Variants in NDRG4 observed in about 807,000 individuals in gnomAD.
The protein encoded by NDRG4 is protein NDRG4.
Under a neutral mutation model 55.8 loss-of-function variants are expected in NDRG4, and 38 were observed. That is an observed-to-expected ratio of 0.68 (90% CI 0.53 to 0.89). The LOEUF (loss-of-function observed/expected upper bound fraction) is 0.89. NDRG4 is among the 40% of genes least tolerant of loss of function. The probability of loss-of-function intolerance (pLI) is 0.00; values close to 1 mark genes in which losing one functional copy is unlikely to be tolerated. For synonymous variants in NDRG4, 190 were observed against 182.7 expected (o/e 1.04, Z -0.32); for missense variants, 455 against 468.6 (o/e 0.97, Z 0.27).
chr16:58,464,351 T>C lies in NDRG4; in HGVS notation c.-24+554T>C. On this transcript the variant is annotated intron_variant, in intron 1 of 15. Coordinates refer to the NDRG4 transcript ENST00000258187. The surrounding 1 kb of genome is among the most constrained non-coding windows in gnomAD (Gnocchi z 4.8). ...CTCTCCTGCCGCTCCGCTCCGGGTC[T>C]CCCGCGCTCCTCTCCCCGGCTCGGC... The C allele has an allele frequency of 7.9e-7, 1 of 1,260,994 alleles. No homozygotes were observed. The highest frequency in any genetic ancestry group is 1.0e-6 in the Non-Finnish European group (1 of 978,200). 78.1% of individuals were successfully genotyped at this position (1,260,994 alleles called of 1,614,324 possible).
At chr16:58,485,242 G>T (rs558459091) in intron 1 of NDRG4, among the ~76,000 whole-genome samples, 2 of 152,092 alleles carry the variant, frequency 1.3e-5, no homozygotes, top group Admixed American at 6.6e-5. Context: ...CTGCTCTGGC[G>T]TCTTTCTTGT....
chr16:58,509,570 T>A (rs1388633834), intron 13 of NDRG4, among the ~76,000 whole-genome samples: 4 of 152,142 alleles, frequency 2.6e-5, no homozygotes, highest in Non-Finnish European at 5.9e-5. Flanking sequence ...CAACTCCCCT[T>A]TGCCCTTAGG....
At chr16:58,492,674 A>G (rs993380553) in intron 2 of NDRG4, among the ~76,000 whole-genome samples, 4 of 152,084 alleles carry the variant, frequency 2.6e-5, no homozygotes, top group African/African-American at 9.7e-5. Flanking sequence ...TCCAAAGTGC[A>G]GGAATTGCAG....
chr16:58,466,119 G>A (rs1427809099), intron 1 of NDRG4, among the ~76,000 whole-genome samples: 1 of 152,134 alleles, frequency 6.6e-6, no homozygotes, highest in Non-Finnish European at 1.5e-5. Flanking sequence ...CAGGATCAAG[G>A]GATTCTCGTG....
upstream of NDRG4, among the ~76,000 whole-genome samples, chr16:58,495,185 G>T (rs1841699406): frequency 6.6e-6 from 1 of 152,210 alleles, no homozygotes; most frequent in Admixed American, 6.5e-5. Flanking sequence ...AAGAGACGGG[G>T]CCTCTAGGGG....
intron 1 of NDRG4, chr16:58,502,089 T>G: frequency 2.3e-6 from 1 of 435,528 alleles, no homozygotes; most frequent in South Asian, 1.6e-5. Flanking sequence ...TGCACCGCCC[T>G]GGCCCCTGAG....
At chr16:58,497,853 C>G (rs989694631), upstream of NDRG4, among the ~76,000 whole-genome samples, 1 of 152,130 alleles carries the variant, frequency 6.6e-6, no homozygotes, top group African/African-American at 2.4e-5. Context: ...GGGGTGGGGT[C>G]AGATCTAGAG....
chr16:58,474,012 CT>C (rs2033240500), intron 1 of NDRG4, among the ~76,000 whole-genome samples: 1 of 141,592 alleles, frequency 7.1e-6, no homozygotes, highest in Non-Finnish European at 1.5e-5. Flanking sequence ...GGTTTTTTCA[CT>C]TTTCTTTTCT....
chr16:58,506,931 CAG>C lies in NDRG4; in HGVS notation c.539_540del (p.Glu180ValfsTer34), dbSNP rs937281280. The C allele has an allele frequency of 6.2e-7, 1 of 1,614,108 alleles. No individual in the cohort carries two copies. Reference sequence around the variant, plus strand: ...GCCTAGGAGGAGCTGGTGAACAACACAGAGTTGGTGCAGAGCTACCGGCAGCA... The same window carrying C: ...GCCTAGGAGGAGCTGGTGAACAACACAGTTGGTGCAGAGCTACCGGCAGCA... On this transcript the variant is annotated frameshift_variant, in exon 8 of 15. Coordinates refer to ENST00000570248, the MANE Select transcript of NDRG4 (RefSeq NM_001242835.2). LOFTEE classifies it high-confidence loss of function.
intron 1 of NDRG4, among the ~76,000 whole-genome samples, chr16:58,483,729 G>A (rs948590213): frequency 3.3e-5 from 5 of 152,226 alleles, no homozygotes; most frequent in Non-Finnish European, 5.9e-5. Flanking sequence ...TCACCTATGT[G>A]ATTTTTGTTC....
chr16:58,497,841 CA>C (rs1219494506), upstream of NDRG4, among the ~76,000 whole-genome samples: 5 of 152,142 alleles, frequency 3.3e-5, no homozygotes, highest in Non-Finnish European at 7.3e-5. Context: ...AGGACCTGGG[CA>C]GGGGTGGGGT....
chr16:58,501,847 C>T (rs566631540), intron 1 of NDRG4: 9 of 393,002 alleles, frequency 2.3e-5, no homozygotes, highest in South Asian at 1.4e-4. Flanking sequence ...ACCCCTCACA[C>T]CCCTCAGGCG....
chr16:58,505,356 T>TA (rs1182031735), intron 5 of NDRG4, among the ~76,000 whole-genome samples: 1 of 88,980 alleles, frequency 1.1e-5, no homozygotes, highest in East Asian at 2.9e-4. Context: ...CTCAAAAAAA[T>TA]AAAAAAATAA....
chr16:58,471,967 C>T (rs16960173), intron 1 of NDRG4, among the ~76,000 whole-genome samples: 40,832 of 151,954 alleles, frequency 0.27, 5,537 homozygotes, highest in Admixed American at 0.29. Flanking sequence ...AGGATCATAC[C>T]CTGTGCACCC....
In NDRG4 at chr16:58,486,848, CCT is replaced by C. The variant is rs1242141094; in HGVS notation, c.-23-907_-23-906del. 2.0e-5 allele frequency among the ~76,000 whole-genome samples: 3 copies of C among 152,260 alleles called. No individual in the cohort carries two copies. In the East Asian group the frequency reaches 5.8e-4, roughly 29 times the overall value. Reference sequence around the variant, plus strand: ...CCCACCCTCTGGCAGCTGAGCAGCCCCTGTGTATCACCCCTCCCTGTTGGTGG... The same window carrying C: ...CCCACCCTCTGGCAGCTGAGCAGCCCGTGTATCACCCCTCCCTGTTGGTGG... On this transcript the variant is annotated intron_variant, in intron 1 of 15. Transcript: ENST00000258187.
intron 1 of NDRG4, among the ~76,000 whole-genome samples, chr16:58,468,734 G>T (rs2032206529): frequency 6.6e-6 from 1 of 152,080 alleles, no homozygotes. Flanking sequence ...TATATTGTGG[G>T]GAGCCAAGAT....
Position 58,464,179 on chromosome 16 carries a change from C to T in NDRG4, c.-24+382C>T, listed in dbSNP as rs1478639261. ...CCTTCCTCCGCCTCCTGGAGTTCAC[C>T]GGGACCAGGTGGCGGCGGGTGCCTT... On this transcript the variant is annotated intron_variant, in intron 1 of 15. Coordinates refer to the NDRG4 transcript ENST00000258187. This position sits in a 1 kb window ranked among gnomAD's most constrained non-coding sequence, Gnocchi z 4.8. 1 of 379,094 alleles carries T rather than the reference C, an allele frequency of 2.6e-6. No homozygotes were observed. Among genetic ancestry groups the T allele is most frequent in the Non-Finnish European group, 4.7e-6 (1 of 214,100 alleles). The allele number at this position is 379,094 out of a possible 1,614,324, so 23.5% of individuals were successfully genotyped here.
intron 1 of NDRG4, among the ~76,000 whole-genome samples, chr16:58,477,498 A>G (rs1217306440): frequency 6.9e-6 from 1 of 145,116 alleles, no homozygotes; most frequent in Non-Finnish European, 1.6e-5. Flanking sequence ...AGTTTGAACA[A>G]TGAAACAAAT....
chr16:58,496,699 T>A (rs776864192), upstream of NDRG4, among the ~76,000 whole-genome samples: 2 of 151,864 alleles, frequency 1.3e-5, no homozygotes, highest in Non-Finnish European at 2.9e-5. Context: ...ACCTCCCGAG[T>A]GTTTCTAAGG....
Sources: allele counts gnomAD v4.1 joint callset (sites outside exome capture counted in the v4.1 genomes callset), GRCh38; gene constraint gnomAD v4.1.1; non-coding constraint Gnocchi (gnomAD v3.1); transcripts MANE v1.5; gene names NCBI Gene and HGNC (gene_info 2026-07-23, HGNC 2026-07-21).